Variants in RBFOX1 observed in about 807,000 individuals in gnomAD.
RBFOX1 encodes RNA binding protein fox-1 homolog 1.
A neutral mutation model predicts 57.7 loss-of-function variants in RBFOX1; 8 were observed. That is an observed-to-expected ratio of 0.14 (90% CI 0.08 to 0.25). The LOEUF (loss-of-function observed/expected upper bound fraction) is 0.25, where lower values mean the gene tolerates loss of function less well. Among genes scored for constraint, RBFOX1 ranks in the 10% least tolerant of loss-of-function variants. The probability of loss-of-function intolerance (pLI) is 1.00; values close to 1 mark genes in which losing one functional copy is unlikely to be tolerated. For synonymous variants in RBFOX1, 326 were observed against 222.4 expected, an observed-to-expected ratio of 1.47 and a Z score of -4.15; for missense variants, 611 against 548.5, an observed-to-expected ratio of 1.11 and a Z score of -1.14.
At position 6,019,858 on chromosome 16, in the gene RBFOX1, G is replaced by C. The variant is rs2095032114; in HGVS notation, c.-261G>C. ...TGACCTGCCCGCGAAGTTGCGGACAGTGCGTGAGAAACCAGCACCCCCTTC... is the reference window on the plus strand; with the variant it reads ...TGACCTGCCCGCGAAGTTGCGGACACTGCGTGAGAAACCAGCACCCCCTTC... On this transcript the variant is annotated 5_prime_UTR_variant, in exon 1 of 16. Transcript: ENST00000550418. This position sits in a 1 kb window ranked among gnomAD's most constrained non-coding sequence, Gnocchi z 4.2. 4.6e-6 allele frequency: 7 copies of C among 1,533,702 alleles called. No homozygotes were observed. In the South Asian group the frequency reaches 6.0e-5, roughly 13 times the overall value.
At position 7,050,366 on chromosome 16, in the gene RBFOX1, A is replaced by G. The variant is rs533472863; in HGVS notation, c.-15-1691A>G. Reference sequence around the variant, plus strand: ...CTGCAACCTCTGCCTCCCAGGTTCAAGTGATTCTCCTGCTTCAGCCAACTG... The same window carrying G: ...CTGCAACCTCTGCCTCCCAGGTTCAGGTGATTCTCCTGCTTCAGCCAACTG... On this transcript the variant is annotated intron_variant, in intron 3 of 15. Coordinates refer to ENST00000550418, the MANE Select transcript of RBFOX1 (RefSeq NM_018723.4). Among the ~76,000 whole-genome samples, 32 of 150,758 alleles carry G rather than the reference A, an allele frequency of 2.1e-4. No individual in the cohort carries two copies. In the South Asian group the frequency reaches 6.3e-3, roughly 30 times the overall value.
intron 3 of RBFOX1, among the ~76,000 whole-genome samples, chr16:6,962,944 C>T (rs916456386): frequency 1.3e-5 from 2 of 152,188 alleles, no homozygotes; most frequent in Admixed American, 6.5e-5. Flanking sequence ...GTTGTTGGAT[C>T]TTGCTTTGAT....
intron 3 of RBFOX1, among the ~76,000 whole-genome samples, chr16:6,967,714 A>G (rs768703069): frequency 6.6e-6 from 1 of 152,100 alleles, no homozygotes; most frequent in African/African-American, 2.4e-5. Flanking sequence ...GTCCTTGGTC[A>G]AATGGGTCTT....
At chr16:5,461,276 T>G (rs1401439534) in intron 1 of RBFOX1, among the ~76,000 whole-genome samples, 2 of 152,312 alleles carry the variant, frequency 1.3e-5, no homozygotes, top group East Asian at 3.9e-4. Flanking sequence ...GTTTATTAAT[T>G]CAAGAGTGCA....
intron 4 of RBFOX1, among the ~76,000 whole-genome samples, chr16:6,003,590 C>T (rs1050189745): frequency 1.3e-5 from 2 of 148,778 alleles, no homozygotes; most frequent in Admixed American, 6.7e-5. Flanking sequence ...TTTTTAAATA[C>T]AGCGACAGCT....
At chr16:6,705,725 T>G (rs1218365483) in intron 3 of RBFOX1, among the ~76,000 whole-genome samples, 1 of 152,082 alleles carries the variant, frequency 6.6e-6, no homozygotes, top group Non-Finnish European at 1.5e-5. Context: ...AGGGATAAAA[T>G]TATAAATTAG....
chr16:7,195,923 C>T (rs78128689), intron 4 of RBFOX1, among the ~76,000 whole-genome samples: 4,613 of 151,976 alleles, frequency 0.03, 121 homozygotes, highest in South Asian at 0.092. Flanking sequence ...AAAGGTTAGC[C>T]CACGTGATAT....
intron 3 of RBFOX1, among the ~76,000 whole-genome samples, chr16:5,667,805 A>G (rs1163642909): frequency 1.3e-5 from 2 of 152,176 alleles, no homozygotes; most frequent in African/African-American, 2.4e-5. Context: ...CCCCTTTATC[A>G]TCTCCCCAGG....
chr16:5,495,364 G>C (rs12709137), intron 2 of RBFOX1, among the ~76,000 whole-genome samples: 132,919 of 152,270 alleles, frequency 0.87, 58,246 homozygotes, highest in African/African-American at 0.95. Flanking sequence ...ACGTGTTGCA[G>C]ACTTTTAAAC....
At chr16:6,969,185 A>C (rs959485592) in intron 3 of RBFOX1, among the ~76,000 whole-genome samples, 6 of 151,848 alleles carry the variant, frequency 4.0e-5, no homozygotes, top group Non-Finnish European at 8.8e-5. Context: ...ACTTCTCTTA[A>C]CTCCTCACTA....
At chr16:7,012,549 C>A (rs1385203934) in intron 3 of RBFOX1, among the ~76,000 whole-genome samples, 1 of 152,178 alleles carries the variant, frequency 6.6e-6, no homozygotes, top group African/African-American at 2.4e-5. Flanking sequence ...CACCTTATTT[C>A]TGGTTTCCTT....
intron 3 of RBFOX1, among the ~76,000 whole-genome samples, chr16:5,668,047 C>A (rs2049902464): frequency 6.6e-6 from 1 of 152,198 alleles, no homozygotes; most frequent in Admixed American, 6.5e-5. Context: ...AACCACATCA[C>A]CAACAAGCAT....
chr16:6,518,756 T>TATCC (rs1401716601), intron 2 of RBFOX1, among the ~76,000 whole-genome samples: 1 of 151,722 alleles, frequency 6.6e-6, no homozygotes, highest in Non-Finnish European at 1.5e-5. Flanking sequence ...TCTGTCTGTC[T>TATCC]ATCCATCTAT....
chr16:7,145,164 C>A (rs892053922), intron 4 of RBFOX1, among the ~76,000 whole-genome samples: 1 of 152,136 alleles, frequency 6.6e-6, no homozygotes. Context: ...CCATCCCAAT[C>A]ATTTCTTTAC....
intron 1 of RBFOX1, among the ~76,000 whole-genome samples, chr16:5,284,673 C>T (rs1035874531): frequency 3.4e-5 from 5 of 145,844 alleles, no homozygotes; most frequent in African/African-American, 7.6e-5. Context: ...TTCTGATTCT[C>T]TGGAATTGTA....
chr16:6,965,790 G>A (rs938436427), intron 3 of RBFOX1, among the ~76,000 whole-genome samples: 1 of 152,168 alleles, frequency 6.6e-6, no homozygotes, highest in Non-Finnish European at 1.5e-5. Context: ...ACTCACTTAG[G>A]TCCTGTTCAT....
At chr16:6,764,822 A>T (rs1369426535) in intron 3 of RBFOX1, among the ~76,000 whole-genome samples, 1 of 152,094 alleles carries the variant, frequency 6.6e-6, no homozygotes, top group East Asian at 1.9e-4. Context: ...CTGTAATCCT[A>T]GCTACTCGGG....
chr16:6,917,962 T>C (rs1396379041), intron 3 of RBFOX1, among the ~76,000 whole-genome samples: 1 of 152,276 alleles, frequency 6.6e-6, no homozygotes, highest in East Asian at 1.9e-4. Flanking sequence ...CAGGGTAGCC[T>C]ACAGGAGAGC....
At chr16:6,779,730 TTTTTATATATTTTTATATATAC>T (rs2080036531) in intron 3 of RBFOX1, among the ~76,000 whole-genome samples, 2 of 85,882 alleles carry the variant, frequency 2.3e-5, no homozygotes, top group African/African-American at 1.3e-4. Flanking sequence ...TATTTATATA[TTTTTATATATTTTTATATATAC>T]TTTTATATAT....
Sources: gnomAD v4.1 joint callset for allele counts (sites outside exome capture counted in the v4.1 genomes callset) on GRCh38, gnomAD v4.1.1 for gene constraint, Gnocchi (gnomAD v3.1) non-coding constraint, MANE v1.5 for transcripts, NCBI Gene and HGNC (gene_info 2026-07-23, HGNC 2026-07-21) for gene names.